Variants in EHF observed in about 807,000 individuals in gnomAD.
The protein encoded by EHF is ETS homologous factor.
Under a neutral mutation model 45.1 loss-of-function variants are expected in EHF, and 14 were observed. The observed-to-expected ratio is 0.31, with a 90% CI of 0.21 to 0.49. The LOEUF is 0.49. Among genes scored for constraint, EHF ranks in the 20% least tolerant of loss-of-function variants. EHF has a pLI of 0.99. For synonymous variants in EHF, 136 were observed against 131.8 expected (o/e 1.03, Z -0.22); for missense variants, 282 against 371.4 (o/e 0.76, Z 1.98).
intron 1 of EHF, among the ~76,000 whole-genome samples, chr11:34,622,722 T>C (rs1385355684): frequency 3.3e-5 from 5 of 152,232 alleles, no homozygotes; most frequent in Non-Finnish European, 5.9e-5. Context: ...TGGAGTCATG[T>C]AGACAACACC....
At chr11:34,638,589 C>T (rs1025151904) in intron 1 of EHF, among the ~76,000 whole-genome samples, 2 of 152,148 alleles carry the variant, frequency 1.3e-5, no homozygotes, top group African/African-American at 2.4e-5. Flanking sequence ...GTTTTTGCCT[C>T]AGGGACATGG....
At chr11:34,637,404 C>T (rs1011953742) in intron 1 of EHF, among the ~76,000 whole-genome samples, 2 of 152,168 alleles carry the variant, frequency 1.3e-5, no homozygotes, top group African/African-American at 4.8e-5. Flanking sequence ...ACTCAGGGCA[C>T]TGCGGGAGTT....
In EHF at chr11:34,658,898, G is replaced by C; in HGVS notation, c.870G>C (p.Lys290Asn). 6.2e-7 allele frequency: 1 copy of C among 1,613,398 alleles called. No homozygotes were observed. The highest frequency in any genetic ancestry group is 8.5e-7 in the Non-Finnish European group (1 of 1,179,664). The change falls in exon 9 of 9, where the codon AAG becomes AAC. Residue 290 changes from lysine to asparagine, a missense_variant. Transcript: ENST00000257831. ...GAAGACTGGTATATAAATTTGGGAA[G>C]AATGCCCGAGGATGGAGAGAAAATG... is the stretch of plus-strand genomic sequence containing the variant. ...DGRRLVYKFG[K>N]NARGWRENEN
At chr11:34,643,342 G>C (rs1427848742) in intron 2 of EHF, among the ~76,000 whole-genome samples, 3 of 152,120 alleles carry the variant, frequency 2.0e-5, no homozygotes, top group Non-Finnish European at 4.4e-5. Flanking sequence ...GAATCAAGTT[G>C]AATCTCTGAA....
intron 3 of EHF, 149 bp downstream of exon 3, chr11:34,646,833 A>G (rs750410787): frequency 2.1e-5 from 22 of 1,047,632 alleles, no homozygotes; most frequent in Non-Finnish European, 2.9e-5. Flanking sequence ...AAATGGAAGG[A>G]AGATGAAAGG....
intron 4 of EHF, among the ~76,000 whole-genome samples, chr11:34,650,447 A>C (rs1855035206): frequency 6.6e-6 from 1 of 152,238 alleles, no homozygotes; most frequent in Admixed American, 6.5e-5. Flanking sequence ...CTATTAGCTA[A>C]AATACCGGCT....
chr11:34,652,831 G>T (rs1855302510), intron 6 of EHF, among the ~76,000 whole-genome samples: 1 of 152,216 alleles, frequency 6.6e-6, no homozygotes, highest in Non-Finnish European at 1.5e-5. Context: ...AATGAGATGG[G>T]GCTGGGAGCC....
In EHF at chr11:34,634,687, T is replaced by C. The variant is rs1853221840; in HGVS notation, c.-3-7941T>C. Among the ~76,000 whole-genome samples the C allele has an allele frequency of 3.9e-5, 6 of 152,316 alleles. No individual in the cohort carries two copies. In the South Asian group the frequency reaches 1.2e-3, roughly 32 times the overall value. ...CGATTTCCCAAATACAAAATTAAAATAACTTTATTGAGTCATAGGGGGATA... is the reference window on the plus strand; with the variant it reads ...CGATTTCCCAAATACAAAATTAAAACAACTTTATTGAGTCATAGGGGGATA... On this transcript the variant is annotated intron_variant, in intron 1 of 8. Coordinates refer to ENST00000257831, the MANE Select transcript of EHF (RefSeq NM_012153.6).
intron 1 of EHF, among the ~76,000 whole-genome samples, chr11:34,636,292 C>T (rs1853395959): frequency 6.6e-6 from 1 of 152,154 alleles, no homozygotes; most frequent in African/African-American, 2.4e-5. Context: ...AACTGAGGTC[C>T]TGAGAAGTTA....
chr11:34,649,407 C>T (rs562434673), intron 4 of EHF, among the ~76,000 whole-genome samples: 2 of 152,244 alleles, frequency 1.3e-5, no homozygotes, highest in South Asian at 2.1e-4. Flanking sequence ...TAAAAAGTGT[C>T]AGGGGAGTGG....
intron 4 of EHF, among the ~76,000 whole-genome samples, chr11:34,651,142 TA>T (rs138934961): frequency 0.22 from 33,197 of 150,948 alleles, 4,057 homozygotes; most frequent in East Asian, 0.52. Flanking sequence ...TACATTTAAA[TA>T]AATTAATCCC....
intron 4 of EHF, among the ~76,000 whole-genome samples, chr11:34,649,831 A>G (rs1157065706): frequency 1.3e-5 from 2 of 152,212 alleles, no homozygotes; most frequent in African/African-American, 4.8e-5. Context: ...CAAGCTTTCC[A>G]TAGACCTCCC....
intron 1 of EHF, among the ~76,000 whole-genome samples, chr11:34,624,995 A>C (rs939170792): frequency 5.3e-5 from 8 of 152,092 alleles, no homozygotes; most frequent in African/African-American, 1.9e-4. Context: ...GATCCATTTT[A>C]ACCCTCAGAT....
At position 34,658,803 on chromosome 11, in the gene EHF, G is replaced by A. The variant is rs200647493; in HGVS notation, c.804-29G>A. ...TTACCTAGCAACCTTCATCGGATCA[G>A]TCACCTTATGCAATCTCCTTTGTTA... On this transcript the variant is annotated intron_variant, in intron 8 of 8. Coordinates refer to ENST00000257831, the MANE Select transcript of EHF (RefSeq NM_012153.6). The A allele has an allele frequency of 8.7e-6, 14 of 1,607,954 alleles. No individual in the cohort carries two copies. In the East Asian group the frequency reaches 3.1e-4, roughly 36 times the overall value.
intron 1 of EHF, among the ~76,000 whole-genome samples, chr11:34,623,332 T>G (rs988882708): frequency 2.6e-5 from 4 of 152,172 alleles, no homozygotes; most frequent in African/African-American, 4.8e-5. Context: ...GTGATCCACC[T>G]GCCTCAGCCT....
chr11:34,654,900 G>T (rs1855519686), intron 6 of EHF, among the ~76,000 whole-genome samples: 1 of 152,184 alleles, frequency 6.6e-6, no homozygotes, highest in South Asian at 2.1e-4. Flanking sequence ...TAATGGCCCT[G>T]CATCCCTCCT....
At chr11:34,621,505 C>T (rs1177387517) in intron 1 of EHF, among the ~76,000 whole-genome samples, 1 of 152,202 alleles carries the variant, frequency 6.6e-6, no homozygotes, top group Admixed American at 6.5e-5. Flanking sequence ...TTCCCTATGC[C>T]TGGGTGGCAA....
chr11:34,638,595 C>T (rs1408155919), intron 1 of EHF, among the ~76,000 whole-genome samples: 5 of 152,148 alleles, frequency 3.3e-5, no homozygotes, highest in African/African-American at 4.8e-5. Context: ...GCCTCAGGGA[C>T]ATGGTGTGTG....
At chr11:34,633,349 A>G (rs1853085661) in intron 1 of EHF, among the ~76,000 whole-genome samples, 1 of 152,170 alleles carries the variant, frequency 6.6e-6, no homozygotes, top group South Asian at 2.1e-4. Context: ...ATTTATGGAC[A>G]TTTCTTTCAA....
Sources: gnomAD v4.1 joint callset for allele counts (sites outside exome capture counted in the v4.1 genomes callset) on GRCh38, gnomAD v4.1.1 for gene constraint, MANE v1.5 for transcripts, NCBI Gene and HGNC (gene_info 2026-07-23, HGNC 2026-07-21) for gene names.